PDZRN4: variants seen among roughly 807,000 people sequenced by gnomAD.
PDZRN4 encodes the protein PDZ domain containing ring finger 4, also known as PDZ domain-containing RING finger protein 4.
In PDZRN4, 70 loss-of-function variants were observed where a neutral mutation model predicts 99.0. The ratio of observed to expected loss-of-function variants is 0.71; its 90% CI spans 0.58 to 0.86. The LOEUF (loss-of-function observed/expected upper bound fraction) is 0.86. PDZRN4 is among the 40% of genes least tolerant of loss of function. The pLI is 0.00. For synonymous variants in PDZRN4, 551 were observed against 501.6 expected (o/e 1.10, Z -1.32); for missense variants, 1,474 against 1,331.2 (o/e 1.11, Z -1.67).
chr12:41,501,505 T>G (rs945724006), intron 3 of PDZRN4, among the ~76,000 whole-genome samples: 16 of 152,252 alleles, frequency 1.1e-4, no homozygotes, highest in African/African-American at 3.6e-4. Context: ...AACAGAAGCT[T>G]CATCAAATAT....
Position 41,451,405 on chromosome 12 carries a change from G to C in PDZRN4, c.844-55051G>C, listed in dbSNP as rs1952773004. ...TGCACATTTTTGTTCAGGTTTATGG[G>C]CTCCATTTGGATACTATTACAAAAA... On this transcript the variant is annotated intron_variant, in intron 3 of 9. Transcript: ENST00000402685. Among the ~76,000 whole-genome samples, 3 of 152,102 alleles carry C rather than the reference G, an allele frequency of 2.0e-5. No homozygotes were observed. In the South Asian group the frequency reaches 6.2e-4, roughly 31 times the overall value.
chr12:41,433,365 A>G (rs1952601119), intron 3 of PDZRN4, among the ~76,000 whole-genome samples: 1 of 152,210 alleles, frequency 6.6e-6, no homozygotes, highest in Admixed American at 6.5e-5. Flanking sequence ...GTCTTTACTC[A>G]GGTTGACCTT....
intron 3 of PDZRN4, among the ~76,000 whole-genome samples, chr12:41,506,005 T>C (rs947829559): frequency 1.3e-5 from 2 of 152,114 alleles, no homozygotes; most frequent in African/African-American, 4.8e-5. Context: ...ATTAAAACAT[T>C]ATGAATATGG....
intron 3 of PDZRN4, among the ~76,000 whole-genome samples, chr12:41,477,022 A>C (rs1211236083): frequency 6.6e-6 from 1 of 152,248 alleles, no homozygotes; most frequent in East Asian, 1.9e-4. Flanking sequence ...TTGCATGAGC[A>C]ACTTTCAGCT....
chr12:41,453,289 G>A (rs1592065229), intron 3 of PDZRN4, among the ~76,000 whole-genome samples: 1 of 152,068 alleles, frequency 6.6e-6, no homozygotes, highest in East Asian at 1.9e-4. Flanking sequence ...GTAATATGCA[G>A]ACATAATTTC....
chr12:41,491,982 C>T (rs140843333), intron 3 of PDZRN4, among the ~76,000 whole-genome samples: 2 of 152,258 alleles, frequency 1.3e-5, no homozygotes, highest in East Asian at 1.9e-4. Context: ...TTCTTTCATA[C>T]ATATTCATAT....
chr12:41,455,098 C>T (rs1488510423), intron 3 of PDZRN4, among the ~76,000 whole-genome samples: 1 of 152,128 alleles, frequency 6.6e-6, no homozygotes, highest in African/African-American at 2.4e-5. Flanking sequence ...GTCTTAAAAC[C>T]TTGAAGTCTA....
intron 5 of PDZRN4, among the ~76,000 whole-genome samples, chr12:41,527,066 C>T (rs557670754): frequency 2.6e-5 from 4 of 152,274 alleles, no homozygotes; most frequent in Admixed American, 6.5e-5. Context: ...ATTACACTAC[C>T]GTGAGACATT....
At chr12:41,386,615 A>G (rs1377588676) in intron 3 of PDZRN4, among the ~76,000 whole-genome samples, 1 of 152,220 alleles carries the variant, frequency 6.6e-6, no homozygotes, top group African/African-American at 2.4e-5. Flanking sequence ...TAGAACTAGG[A>G]AAAACTATTT....
At chr12:41,547,354 G>A (rs749215462) in intron 5 of PDZRN4, among the ~76,000 whole-genome samples, 1 of 152,136 alleles carries the variant, frequency 6.6e-6, no homozygotes, top group African/African-American at 2.4e-5. Flanking sequence ...GGCCAGGCAC[G>A]GTGGCTTATG....
chr12:41,456,312 A>G (rs1232672165), intron 3 of PDZRN4, among the ~76,000 whole-genome samples: 1 of 151,818 alleles, frequency 6.6e-6, no homozygotes, highest in East Asian at 1.9e-4. Context: ...ACTTCTCCCC[A>G]GGATAACTCA....
intron 3 of PDZRN4, among the ~76,000 whole-genome samples, chr12:41,254,320 A>G (rs1484441591): frequency 1.3e-5 from 2 of 152,146 alleles, no homozygotes; most frequent in Non-Finnish European, 2.9e-5. Flanking sequence ...CAAATACCCA[A>G]TAGGTAGGCT....
At position 41,320,500 on chromosome 12, in the gene PDZRN4, C is replaced by A. The variant is rs1951668742; in HGVS notation, c.843+126312C>A. Among the ~76,000 whole-genome samples, 2 of 152,156 alleles carry A rather than the reference C, an allele frequency of 1.3e-5. 1 individual carries two copies. Among genetic ancestry groups the A allele is most frequent in the South Asian group, 4.2e-4 (2 of 4,818 alleles). On this transcript the variant is annotated intron_variant, in intron 3 of 9. Coordinates refer to ENST00000402685, the MANE Select transcript of PDZRN4 (RefSeq NM_001164595.2). The stretch of plus-strand genomic sequence containing the variant: ...GATGTTGTTAGAACACAGGATAAAA[C>A]CCTATTCACATTGTCTTGAGGTGTC...
chr12:41,520,995 A>G (rs921472021), intron 5 of PDZRN4, among the ~76,000 whole-genome samples: 1 of 152,102 alleles, frequency 6.6e-6, no homozygotes, highest in African/African-American at 2.4e-5. Context: ...AAGGCAACAT[A>G]TGTTTGTATT....
chr12:41,268,487 T>C (rs549137814), intron 3 of PDZRN4, among the ~76,000 whole-genome samples: 20 of 152,350 alleles, frequency 1.3e-4, no homozygotes, highest in Admixed American at 1.0e-3. Context: ...CTCCAAAGGA[T>C]AAAGGTTAAA....
intron 3 of PDZRN4, among the ~76,000 whole-genome samples, chr12:41,416,965 T>C (rs1413412572): frequency 6.6e-6 from 1 of 152,200 alleles, no homozygotes; most frequent in Non-Finnish European, 1.5e-5. Flanking sequence ...TAAAAGCATC[T>C]AAAGAATAGG....
intron 6 of PDZRN4, among the ~76,000 whole-genome samples, chr12:41,555,179 G>C (rs547650865): frequency 2.8e-5 from 4 of 140,662 alleles, no homozygotes; most frequent in South Asian, 2.3e-4. Flanking sequence ...TGCAGTGAGC[G>C]GAGATGGCGC....
At chr12:41,343,812 A>T (rs1951834396) in intron 3 of PDZRN4, among the ~76,000 whole-genome samples, 1 of 151,556 alleles carries the variant, frequency 6.6e-6, no homozygotes, top group Admixed American at 6.6e-5. Context: ...ATCATTATAC[A>T]ACATATATAT....
chr12:41,220,384 T>G (rs1465753224), intron 3 of PDZRN4, among the ~76,000 whole-genome samples: 2 of 152,104 alleles, frequency 1.3e-5, no homozygotes, highest in African/African-American at 4.8e-5. Context: ...ATGGCCTCAC[T>G]GAATCTTAAT....
Sources: allele counts gnomAD v4.1 joint callset (sites outside exome capture counted in the v4.1 genomes callset), GRCh38; gene constraint gnomAD v4.1.1; transcripts MANE v1.5; gene names NCBI Gene and HGNC (gene_info 2026-07-23, HGNC 2026-07-21).